The following AOPEP variants were observed in gnomAD, a reference collection of about 807,000 sequenced individuals.
The protein encoded by AOPEP is aminopeptidase O.
In AOPEP, 77 loss-of-function variants were observed where a neutral mutation model predicts 98.1. The observed-to-expected ratio is 0.78, with a 90% CI of 0.65 to 0.95. The LOEUF (loss-of-function observed/expected upper bound fraction) is 0.95, where lower values mean the gene tolerates loss of function less well. Ranked by LOEUF, AOPEP falls within the 40% of genes least tolerant of loss-of-function variation. The pLI is 0.00. For missense variants in AOPEP, 1,024 were observed against 1,024.7 expected (o/e 1.00, Z 0.01); for synonymous variants, 346 against 365.3 (o/e 0.95, Z 0.60).
At chr9:94,762,283 TA>T (rs1838506741) in intron 2 of AOPEP, among the ~76,000 whole-genome samples, 2 of 151,980 alleles carry the variant, frequency 1.3e-5, no homozygotes, top group Admixed American at 1.3e-4. Context: ...CTGTCTCTAC[TA>T]AAAATACAAA....
downstream of AOPEP, among the ~76,000 whole-genome samples, chr9:95,090,128 C>T (rs2070845933): frequency 6.6e-6 from 1 of 152,236 alleles, no homozygotes; most frequent in Non-Finnish European, 1.5e-5. Context: ...GGGCAGAGGC[C>T]GCAACACGCC....
At chr9:94,904,398 A>T (rs1293867482) in intron 5 of AOPEP, 2 of 152,168 alleles carry the variant, frequency 1.3e-5, no homozygotes, top group African/African-American at 2.4e-5. Context: ...GAGAAACATT[A>T]CTCAGAGCCT....
chr9:95,046,005 C>T (rs186606460), intron 13 of AOPEP, among the ~76,000 whole-genome samples: 3 of 152,190 alleles, frequency 2.0e-5, no homozygotes, highest in African/African-American at 7.2e-5. Context: ...TGCTGGCCAG[C>T]AGAGGACTGC....
chr9:94,902,199 A>G (rs893227270), intron 5 of AOPEP, among the ~76,000 whole-genome samples: 4 of 152,196 alleles, frequency 2.6e-5, no homozygotes, highest in African/African-American at 7.2e-5. Context: ...ATGTCATTTA[A>G]TATTTCTTAC....
rs2060134416 is a variant in AOPEP at position 94,980,782 on chromosome 9, C to T, written c.1977+1355C>T. On this transcript the variant is annotated intron_variant, in intron 11 of 16. Transcript: ENST00000375315. This position sits in a 1 kb window ranked among gnomAD's most constrained non-coding sequence, Gnocchi z 4.3. ...ACTCACGTGTGTGACAATGAGGGCC[C>T]GTGAGCTCTGAGACGGTGACTTCCA... Among the ~76,000 whole-genome samples, 1 of 152,214 alleles carries T rather than the reference C, an allele frequency of 6.6e-6. No homozygotes were observed. The highest frequency in any genetic ancestry group is 2.1e-4 in the South Asian group (1 of 4,836).
chr9:95,116,028 A>G, the AOPEP span, among the ~76,000 whole-genome samples: 7 of 152,382 alleles, frequency 4.6e-5, no homozygotes, highest in African/African-American at 1.7e-4. Flanking sequence ...GAACTAGCAC[A>G]AGAGGTTCTT....
chr9:95,081,961 AC>A (rs2069841970), intron 15 of AOPEP, among the ~76,000 whole-genome samples: 3 of 152,134 alleles, frequency 2.0e-5, no homozygotes, highest in African/African-American at 7.2e-5. Flanking sequence ...TTTTAAAAAT[AC>A]AGGAAAAATG....
the AOPEP span, among the ~76,000 whole-genome samples, chr9:95,141,985 G>GA: frequency 1.2e-5 from 1 of 83,138 alleles, no homozygotes. Context: ...AGTTTGTGGG[G>GA]TTTTTTTTTT....
intron 5 of AOPEP, among the ~76,000 whole-genome samples, chr9:94,834,849 C>T (rs1455117951): frequency 6.8e-6 from 1 of 146,258 alleles, no homozygotes; most frequent in African/African-American, 2.7e-5. Context: ...TACATACATA[C>T]ATACAAACAA....
At chr9:94,902,666 T>A (rs1482899448) in intron 5 of AOPEP, among the ~76,000 whole-genome samples, 6 of 152,160 alleles carry the variant, frequency 3.9e-5, no homozygotes, top group Non-Finnish European at 5.9e-5. Flanking sequence ...TTTTCTTAGA[T>A]AGAAATATGC....
intron 1 of AOPEP, among the ~76,000 whole-genome samples, chr9:94,733,825 T>C (rs1831122958): frequency 6.6e-6 from 1 of 152,168 alleles, no homozygotes; most frequent in Admixed American, 6.5e-5. Context: ...TGTTGAAATA[T>C]TTTGTCTTGG....
intron 13 of AOPEP, among the ~76,000 whole-genome samples, chr9:95,040,659 A>G (rs1312501207): frequency 2.0e-5 from 3 of 152,156 alleles, no homozygotes; most frequent in Non-Finnish European, 4.4e-5. Flanking sequence ...CAGGACGCCT[A>G]TTGCTGATGG....
At chr9:94,934,490 C>T (rs1229684808) in intron 7 of AOPEP, 1 of 151,858 alleles carries the variant, frequency 6.6e-6, no homozygotes, top group African/African-American at 2.4e-5. Context: ...CCTCTCCTAT[C>T]CTTAATAATC....
chr9:95,080,626 T>C, intron 14 of AOPEP, 68 bp from the exon 15 acceptor site: 1 of 1,102,146 alleles, frequency 9.1e-7, no homozygotes, highest in Non-Finnish European at 1.4e-6. Context: ...AGGCTGCCTG[T>C]CACTGGGCCC....
rs1015192615 is a variant in AOPEP at position 94,801,118 on chromosome 9, G to A, written c.1364+116G>A. The A allele has an allele frequency of 9.8e-6, 12 of 1,228,976 alleles. No homozygotes were observed. The African/African-American group carries it at 1.2e-4, about 12-fold the overall frequency. The allele number at this position is 1,228,976 out of a possible 1,614,324, so 76.1% of individuals were successfully genotyped here. ...ATTTGATTAGAATGGAGGGGCTATG[G>A]TTGCTCATGCTTGGACATCTCATTG... On this transcript the variant is annotated intron_variant, in intron 5 of 16. Transcript: ENST00000375315.
Position 94,814,002 on chromosome 9 carries a change from G to C in AOPEP, c.1364+13000G>C, listed in dbSNP as rs73654292. 6.8e-3 allele frequency among the ~76,000 whole-genome samples: 1,029 copies of C among 152,310 alleles called. 8 individuals carry two copies. The highest frequency in any genetic ancestry group is 0.023 in the African/African-American group (971 of 41,566). The stretch of plus-strand genomic sequence containing the variant: ...TAAAGAGAGAGAGTCATGCACAAGG[G>C]GGGCTGGGGTTTCTATCTCTATGGG... On this transcript the variant is annotated intron_variant, in intron 5 of 16. Transcript: ENST00000375315.
chr9:94,875,315 CAAATT>C (rs1310571769), intron 5 of AOPEP, among the ~76,000 whole-genome samples: 1 of 28,262 alleles, frequency 3.5e-5, no homozygotes, highest in Non-Finnish European at 7.1e-5. Flanking sequence ...AAAACTTAGA[CAAATT>C]AAATTTAACA....
chr9:95,009,332 C>A, intron 13 of AOPEP, among the ~76,000 whole-genome samples: 1 of 151,432 alleles, frequency 6.6e-6, no homozygotes, highest in Admixed American at 6.6e-5. Context: ...TATCAATATT[C>A]TAAGGATTAG....
chr9:94,946,867 G>C (rs192328577), intron 7 of AOPEP, among the ~76,000 whole-genome samples: 1 of 152,248 alleles, frequency 6.6e-6, no homozygotes, highest in East Asian at 1.9e-4. Context: ...GAAGCATGGA[G>C]TGGAACTGTT....
Sources: allele counts gnomAD v4.1 joint callset (sites outside exome capture counted in the v4.1 genomes callset), GRCh38; gene constraint gnomAD v4.1.1; non-coding constraint Gnocchi (gnomAD v3.1); transcripts MANE v1.5; gene names NCBI Gene and HGNC (gene_info 2026-07-23, HGNC 2026-07-21).